Variants in C10orf67 observed in about 807,000 individuals in gnomAD.
C10orf67 encodes chromosome 10 open reading frame 67, also known as uncharacterized protein C10orf67, mitochondrial.
Under a neutral mutation model 35.6 loss-of-function variants are expected in C10orf67, and 60 were observed. The ratio of observed to expected loss-of-function variants is 1.68; its 90% CI spans 1.37 to 2.09. C10orf67 has a LOEUF of 2.09. Ranked by LOEUF, C10orf67 falls within the 30% of genes most tolerant of loss-of-function variation. The pLI is 0.00. For missense variants in C10orf67, 474 were observed against 330.2 expected, an observed-to-expected ratio of 1.44 and a Z score of -3.38; for synonymous variants, 167 against 115.8, an observed-to-expected ratio of 1.44 and a Z score of -2.84.
chr10:23,322,933 C>G (rs1845016011), intron 2 of C10orf67, among the ~76,000 whole-genome samples: 1 of 152,082 alleles, frequency 6.6e-6, no homozygotes, highest in Non-Finnish European at 1.5e-5. Context: ...AATTCATTCT[C>G]TGGTTCTGGA....
At chr10:23,249,948 A>T (rs1588615526) in intron 12 of C10orf67, among the ~76,000 whole-genome samples, 1 of 152,368 alleles carries the variant, frequency 6.6e-6, no homozygotes, top group East Asian at 1.9e-4. Flanking sequence ...TGTCCTTTTC[A>T]GAATTTTACA....
intron 13 of C10orf67, among the ~76,000 whole-genome samples, chr10:23,229,473 A>G (rs1841844824): frequency 6.6e-6 from 1 of 150,970 alleles, no homozygotes; most frequent in Non-Finnish European, 1.5e-5. Flanking sequence ...TAGGAGATAT[A>G]CCTAATGTAA....
chr10:23,301,976 C>G (rs1844094216), intron 5 of C10orf67, among the ~76,000 whole-genome samples: 1 of 152,136 alleles, frequency 6.6e-6, no homozygotes, highest in Non-Finnish European at 1.5e-5. Context: ...CCTGCTGGAT[C>G]CAGAGGGATG....
At chr10:23,333,019 G>T in intron 2 of C10orf67, 43 bp downstream of exon 2, 1 of 1,585,772 alleles carries the variant, frequency 6.3e-7, no homozygotes, top group Non-Finnish European at 8.6e-7. Context: ...GGCAATTAAC[G>T]CCAAAAATTA....
At chr10:23,268,623 T>C (rs1377291293) in intron 8 of C10orf67, among the ~76,000 whole-genome samples, 1 of 152,218 alleles carries the variant, frequency 6.6e-6, no homozygotes, top group Non-Finnish European at 1.5e-5. Flanking sequence ...CACGAAAGGC[T>C]ATACTTAGTT....
At chr10:23,224,759 A>T (rs1031115380) in intron 13 of C10orf67, among the ~76,000 whole-genome samples, 1 of 152,238 alleles carries the variant, frequency 6.6e-6, no homozygotes, top group African/African-American at 2.4e-5. Flanking sequence ...GATTCGATCA[A>T]ATGGAAGAAA....
Position 23,282,307 on chromosome 10 carries a change from C to T in C10orf67, c.910-229G>A, listed in dbSNP as rs560938394. 1.0e-3 allele frequency among the ~76,000 whole-genome samples: 154 copies of T among 152,198 alleles called. 1 individual carries two copies. Among genetic ancestry groups the T allele is most frequent in the African/African-American group, 3.7e-3 (152 of 41,532 alleles). On this transcript the variant is annotated intron_variant, in intron 7 of 15. Transcript: ENST00000636213. ...CCGATTTATTTACACCTTTTCTCAC[C>T]CCATGCCATCAAAATGTAACATCAC...
intron 13 of C10orf67, among the ~76,000 whole-genome samples, chr10:23,234,943 C>T (rs1391367450): frequency 7.0e-5 from 9 of 128,948 alleles, no homozygotes; most frequent in Non-Finnish European, 1.1e-4. Flanking sequence ...ACCCGGGAGG[C>T]GGAGGTTGCG....
chr10:23,275,862 G>C (rs1034902208), intron 8 of C10orf67, among the ~76,000 whole-genome samples: 5 of 152,104 alleles, frequency 3.3e-5, no homozygotes, highest in African/African-American at 9.7e-5. Context: ...TTGAATGCTA[G>C]CTCACTTGAC....
At chr10:23,257,586 T>C (rs1842636348) in intron 10 of C10orf67, among the ~76,000 whole-genome samples, 1 of 152,156 alleles carries the variant, frequency 6.6e-6, no homozygotes, top group Non-Finnish European at 1.5e-5. Context: ...GAGAATCCCT[T>C]GAGCTCGGGA....
At chr10:23,259,298 C>G (rs1842686799) in intron 10 of C10orf67, among the ~76,000 whole-genome samples, 1 of 152,086 alleles carries the variant, frequency 6.6e-6, no homozygotes, top group African/African-American at 2.4e-5. Flanking sequence ...TTGGCTGTTT[C>G]CTAATGAAAA....
intron 12 of C10orf67, among the ~76,000 whole-genome samples, chr10:23,248,094 A>G (rs942651200): frequency 6.6e-6 from 1 of 152,188 alleles, no homozygotes; most frequent in East Asian, 1.9e-4. Flanking sequence ...GACCTCTTCC[A>G]TATATGCAAG....
chr10:23,266,635 C>G (rs1272882563), intron 9 of C10orf67, among the ~76,000 whole-genome samples: 1 of 152,078 alleles, frequency 6.6e-6, no homozygotes, highest in Admixed American at 6.5e-5. Context: ...CCACTCTCCC[C>G]CTTTAATCCT....
chr10:23,252,333 C>T (rs1324167391), intron 10 of C10orf67, among the ~76,000 whole-genome samples: 4 of 152,032 alleles, frequency 2.6e-5, no homozygotes, highest in South Asian at 4.2e-4. Flanking sequence ...TTCATAGCTG[C>T]CTGTCCTTGT....
intron 13 of C10orf67, 90 bp from the exon 14 acceptor site, chr10:23,223,908 C>A (rs776512589): frequency 3.1e-5 from 21 of 681,482 alleles, no homozygotes; most frequent in Non-Finnish European, 4.3e-5. Context: ...CTTTAGTTGA[C>A]CAAGATATGG....
chr10:23,343,229 G>A (rs562917907), intron 1 of C10orf67, among the ~76,000 whole-genome samples: 7 of 152,310 alleles, frequency 4.6e-5, no homozygotes, highest in African/African-American at 1.2e-4. Context: ...ATATTAGCAG[G>A]TGTGGACTTT....
rs1588566489 is a variant in C10orf67, at chr10:23,202,794, T to C, written c.*1379A>G. On this transcript the variant is annotated 3_prime_UTR_variant, in exon 16 of 16. Coordinates refer to ENST00000636213, the MANE Select transcript of C10orf67 (RefSeq NM_001371909.1). ...CTATTAAAGTTCTGAAATGAAGCAG[T>C]TTGATATCACACCCAACCAGGAGGC... 6.6e-6 allele frequency: 1 copy of C among 152,226 alleles called. No homozygotes were observed. The highest frequency in any genetic ancestry group is 6.5e-5 in the Admixed American group (1 of 15,286). 9.4% of individuals were successfully genotyped at this position (152,226 alleles called of 1,614,324 possible).
intron 15 of C10orf67, among the ~76,000 whole-genome samples, chr10:23,218,294 C>T (rs1383757355): frequency 6.6e-6 from 1 of 150,500 alleles, no homozygotes; most frequent in Admixed American, 6.7e-5. Flanking sequence ...GTTCACATCA[C>T]TACACGAGGC....
At chr10:23,332,070 T>C (rs1845507267) in intron 2 of C10orf67, among the ~76,000 whole-genome samples, 1 of 152,182 alleles carries the variant, frequency 6.6e-6, no homozygotes, top group African/African-American at 2.4e-5. Flanking sequence ...AATTCCACTT[T>C]TAAGAATTTA....
Sources: allele counts gnomAD v4.1 joint callset (sites outside exome capture counted in the v4.1 genomes callset), GRCh38; gene constraint gnomAD v4.1.1; transcripts MANE v1.5; gene names NCBI Gene and HGNC (gene_info 2026-07-23, HGNC 2026-07-21).